Variants in MYO10 observed in about 807,000 individuals in gnomAD.
The protein encoded by MYO10 is unconventional myosin-X.
MYO10 carries 133 observed loss-of-function variants against 257.3 expected under a neutral mutation model. The observed-to-expected ratio is 0.52, with a 90% CI of 0.45 to 0.60. The LOEUF is 0.60. MYO10 is among the 20% of genes least tolerant of loss of function. The pLI is 0.00. For missense variants in MYO10, 2,399 were observed against 2,635.7 expected, an observed-to-expected ratio of 0.91 and a Z score of 1.97; for synonymous variants, 1,104 against 1,028.6, an observed-to-expected ratio of 1.07 and a Z score of -1.40.
rs61744565 is a variant in MYO10, at chr5:16,794,774, G to A, written c.339C>T (p.Tyr113=). 368 of 1,606,304 alleles carry A rather than the reference G, an allele frequency of 2.3e-4. No individual in the cohort carries two copies. The African/African-American group carries it at 2.7e-3, about 12-fold the overall frequency. The change falls in exon 4 of 41, where the codon TAC becomes TAT. Residue 113 remains tyrosine, a synonymous_variant. Coordinates refer to ENST00000513610, the MANE Select transcript of MYO10 (RefSeq NM_012334.3). The part of the protein sequence containing the change: ...VNPYQPIAGL[Y]EPATMEQYSR... ...TGTACTGCTCCATGGTGGCAGGCTCGTACAGCCCGGCGATGGGCTGGTAGG... is the reference window on the plus strand; with the variant it reads ...TGTACTGCTCCATGGTGGCAGGCTCATACAGCCCGGCGATGGGCTGGTAGG...
chr5:16,681,286 G>A, intron 32 of MYO10, 23 bp downstream of exon 32: 4 of 1,596,114 alleles, frequency 2.5e-6, no homozygotes, highest in Non-Finnish European at 2.6e-6. Context: ...GATGCTCAGG[G>A]TTCGGGCAGC....
Position 16,935,872 on chromosome 5 carries a change from G to A in MYO10, c.-64C>T. The A allele has an allele frequency of 1.3e-6, 2 of 1,596,194 alleles. No individual in the cohort carries two copies. The highest frequency in any genetic ancestry group is 1.1e-5 in the South Asian group (1 of 88,780). On this transcript the variant is annotated 5_prime_UTR_variant, in exon 1 of 41. Coordinates refer to ENST00000513610, the MANE Select transcript of MYO10 (RefSeq NM_012334.3). The stretch of plus-strand genomic sequence containing the variant: ...GACTCGCGGAAGTCAGCGCCGCCGC[G>A]GGTCCGGGGAAACCATGCGTGTCAC...
chr5:16,734,747 G>A (rs1739722614), intron 19 of MYO10, among the ~76,000 whole-genome samples: 1 of 150,186 alleles, frequency 6.7e-6, no homozygotes, highest in South Asian at 2.2e-4. Context: ...GGAGGTTGCA[G>A]TAAGCTGAGA....
intron 3 of MYO10, among the ~76,000 whole-genome samples, chr5:16,813,551 TA>T (rs368633982): frequency 0.017 from 2,045 of 123,688 alleles, 12 homozygotes; most frequent in Middle Eastern, 0.025. Context: ...ACCCTGGCTC[TA>T]AAAAAAAAAA....
chr5:16,821,997 ATAG>A (rs1254750459), intron 2 of MYO10, among the ~76,000 whole-genome samples: 2 of 151,988 alleles, frequency 1.3e-5, no homozygotes, highest in African/African-American at 4.8e-5. Flanking sequence ...AAAAAAAAGA[ATAG>A]TAGAGAAAAA....
chr5:16,766,142 A>G lies in MYO10; in HGVS notation c.1117T>C (p.Leu373=). ...GLDPTQLTDA[L]TQRSMFLRGE... ...CTGAGGAACATTGATCTCTGGGTCA[A>G]AGCATCTGTGAGCTGTGTTGGGTCC... is the stretch of plus-strand genomic sequence containing the variant. The change falls in exon 11 of 41, where the codon TTG becomes CTG. Residue 373 remains leucine, a synonymous_variant. Coordinates refer to ENST00000513610, the MANE Select transcript of MYO10 (RefSeq NM_012334.3). The G allele has an allele frequency of 3.1e-6, 5 of 1,613,958 alleles. No individual in the cohort carries two copies. Among genetic ancestry groups the G allele is most frequent in the Non-Finnish European group, 4.2e-6 (5 of 1,179,858 alleles).
chr5:16,859,269 T>C (rs1244431486), intron 2 of MYO10, among the ~76,000 whole-genome samples: 1 of 152,176 alleles, frequency 6.6e-6, no homozygotes, highest in Non-Finnish European at 1.5e-5. Context: ...CTGGTGAGTG[T>C]TGCTTTCTGG....
rs184180387 is a variant in MYO10, at chr5:16,678,928, G to A, written c.4542+1019C>T. Among the ~76,000 whole-genome samples the A allele has an allele frequency of 3.2e-3, 486 of 152,310 alleles. 4 individuals carry two copies. The highest frequency in any genetic ancestry group is 0.011 in the African/African-American group (458 of 41,566). The stretch of plus-strand genomic sequence containing the variant: ...CTTGGTTCTGCACCCGGGACTGACC[G>A]GCTACGTGGGCAGTGCAACCAGAAC... On this transcript the variant is annotated intron_variant, in intron 33 of 40. Transcript: ENST00000513610.
At chr5:16,776,837 G>A (rs999027838) in intron 9 of MYO10, among the ~76,000 whole-genome samples, 3 of 152,186 alleles carry the variant, frequency 2.0e-5, no homozygotes, top group East Asian at 1.9e-4. Context: ...GCTCCCTAGC[G>A]GCCAACAAGC....
intron 1 of MYO10, chr5:16,916,065 G>T (rs538477442): frequency 1.1e-5 from 5 of 455,866 alleles, no homozygotes; most frequent in East Asian, 1.4e-4. Context: ...CAGTTGAATC[G>T]CTTGGTCCCG....
chr5:16,919,250 C>A (rs1580150906), intron 1 of MYO10, among the ~76,000 whole-genome samples: 1 of 151,924 alleles, frequency 6.6e-6, no homozygotes, highest in Admixed American at 6.6e-5. Flanking sequence ...TGGTGGCAGG[C>A]GCCTGTAATT....
rs576121914 is a variant in MYO10, at chr5:16,859,162, TAACA to T, written c.120+18443_120+18446del. On this transcript the variant is annotated intron_variant, in intron 2 of 40. Transcript: ENST00000513610. ...TGGCTTTAGTCCATTTGGGCTGCTG[TAACA>T]AACTACCACAGACTGGATGGCTAAT... is the stretch of plus-strand genomic sequence containing the variant. 2.6e-3 allele frequency among the ~76,000 whole-genome samples: 402 copies of T among 152,272 alleles called. 5 individuals are homozygous for T. Among genetic ancestry groups the T allele is most frequent in the African/African-American group, 9.4e-3 (389 of 41,564 alleles).
intron 25 of MYO10, among the ~76,000 whole-genome samples, chr5:16,700,494 T>C (rs1416541919): frequency 6.6e-6 from 1 of 152,126 alleles, no homozygotes; most frequent in African/African-American, 2.4e-5. Context: ...CTGGCCAACA[T>C]GGTAAAACCC....
Position 16,682,027 on chromosome 5 carries a change from T to G in MYO10, c.4047-14A>C. 6.2e-7 allele frequency: 1 copy of G among 1,611,610 alleles called. No homozygotes were observed. The highest frequency in any genetic ancestry group is 1.3e-5 in the African/African-American group (1 of 75,014). On this transcript the variant is annotated splice_polypyrimidine_tract_variant and intron_variant, in intron 30 of 40. Transcript: ENST00000513610. ...AACGAGTTGGGTCTGAGCCACAAGA[T>G]GAGAAGGAAACAAAGCCCCTTAGCC...
At chr5:16,721,384 C>T (rs562950652) in intron 19 of MYO10, among the ~76,000 whole-genome samples, 3 of 152,302 alleles carry the variant, frequency 2.0e-5, no homozygotes, top group South Asian at 2.1e-4. Flanking sequence ...ACTTTCCTGA[C>T]CTTGAACAGA....
At chr5:16,931,075 C>T (rs1048179883) in intron 1 of MYO10, among the ~76,000 whole-genome samples, 3 of 152,092 alleles carry the variant, frequency 2.0e-5, no homozygotes, top group Admixed American at 6.6e-5. Flanking sequence ...AGTTCGAGAC[C>T]AGCCTGACCA....
intron 1 of MYO10, among the ~76,000 whole-genome samples, chr5:16,880,104 CA>C (rs1472037198): frequency 1.3e-5 from 2 of 152,164 alleles, no homozygotes; most frequent in Non-Finnish European, 2.9e-5. Flanking sequence ...TGCTTGAAAC[CA>C]GGAGGCAGAG....
In MYO10 at chr5:16,747,905, C is replaced by T. The variant is rs1354413277; in HGVS notation, c.1929+6923G>A. 2.1e-4 allele frequency among the ~76,000 whole-genome samples: 20 copies of T among 94,262 alleles called. No individual in the cohort carries two copies. The East Asian group carries it at 3.2e-3, about 15-fold the overall frequency. The allele number at this position is 94,262 out of a possible 152,430, so 61.8% of individuals were successfully genotyped here. On this transcript the variant is annotated intron_variant, in intron 19 of 40. Transcript: ENST00000513610. ...CTGCACTCTAGACTGGGCGACAGAG[C>T]GAAACTCCGTCTCAAAAAAAAAAAA...
At chr5:16,787,916 C>T (rs1345724382) in intron 4 of MYO10, among the ~76,000 whole-genome samples, 1 of 151,966 alleles carries the variant, frequency 6.6e-6, no homozygotes, top group African/African-American at 2.4e-5. Context: ...CTCCTGCCTC[C>T]CGAGTAGCTG....
Sources: allele counts gnomAD v4.1 joint callset (sites outside exome capture counted in the v4.1 genomes callset), GRCh38; gene constraint gnomAD v4.1.1; transcripts MANE v1.5; gene names NCBI Gene and HGNC (gene_info 2026-07-23, HGNC 2026-07-21).